Variants in TTC1 observed in about 807,000 individuals in gnomAD.
TTC1 encodes the protein tetratricopeptide repeat protein 1.
Under a neutral mutation model 37.6 loss-of-function variants are expected in TTC1, and 31 were observed. The observed-to-expected ratio is 0.82, with a 90% confidence interval of 0.62 to 1.11. The LOEUF is 1.11. TTC1 is among the 50% of genes most tolerant of loss of function. The probability of loss-of-function intolerance (pLI) is 0.00; values close to 1 mark genes in which losing one functional copy is unlikely to be tolerated. For synonymous variants in TTC1, 127 were observed against 122.4 expected, an observed-to-expected ratio of 1.04 and a Z score of -0.25; for missense variants, 351 against 339.0, an observed-to-expected ratio of 1.04 and a Z score of -0.28.
chr5:160,032,058 A>G (rs1341365506), intron 2 of TTC1, among the ~76,000 whole-genome samples: 1 of 152,220 alleles, frequency 6.6e-6, no homozygotes, highest in East Asian at 1.9e-4. Flanking sequence ...CGTAGCACTG[A>G]TTCCTTTCTG....
At chr5:160,021,819 T>C (rs1306148853) in intron 2 of TTC1, among the ~76,000 whole-genome samples, 1 of 152,244 alleles carries the variant, frequency 6.6e-6, no homozygotes, top group African/African-American at 2.4e-5. Flanking sequence ...TGTAGTTTTC[T>C]TGTCCCACCT....
chr5:160,036,883 A>AT, intron 4 of TTC1, 80 bp downstream of exon 4: 6 of 994,688 alleles, frequency 6.0e-6, no homozygotes, highest in Non-Finnish European at 9.2e-6. Context: ...TCCAGAAACT[A>AT]GCATAGAGGT....
intron 3 of TTC1, among the ~76,000 whole-genome samples, chr5:160,036,043 G>A (rs1756994338): frequency 6.8e-6 from 1 of 147,124 alleles, no homozygotes; most frequent in African/African-American, 2.5e-5. Context: ...CATATTTTTT[G>A]TATGTTAATA....
At chr5:160,009,606 A>G (rs183899649) in intron 1 of TTC1, among the ~76,000 whole-genome samples, 525 of 152,290 alleles carry the variant, frequency 3.4e-3, no homozygotes, top group Non-Finnish European at 5.7e-3. Flanking sequence ...ACATAAATAA[A>G]TAAATAAATA....
At chr5:160,029,849 T>C (rs1756878088) in intron 2 of TTC1, among the ~76,000 whole-genome samples, 1 of 152,164 alleles carries the variant, frequency 6.6e-6, no homozygotes, top group African/African-American at 2.4e-5. Flanking sequence ...TAGGGAGGCT[T>C]GAACTGGAAA....
chr5:160,014,405 C>T (rs1290804701), intron 2 of TTC1, among the ~76,000 whole-genome samples: 2 of 151,236 alleles, frequency 1.3e-5, no homozygotes, highest in African/African-American at 4.9e-5. Context: ...TGGCTCATTC[C>T]TATAATCCCA....
chr5:160,040,525 TAAC>T (rs1214482217), intron 4 of TTC1, among the ~76,000 whole-genome samples: 2 of 152,208 alleles, frequency 1.3e-5, no homozygotes, highest in Non-Finnish European at 2.9e-5. Flanking sequence ...TCTTTTATAA[TAAC>T]AGCCTAAAAC....
rs1392441305 is a variant in TTC1, at chr5:160,057,514, C to T, written c.745+6331C>T. Among the ~76,000 whole-genome samples, 1 of 152,160 alleles carries T rather than the reference C, an allele frequency of 6.6e-6. No individual in the cohort carries two copies. The highest frequency in any genetic ancestry group is 2.4e-5 in the African/African-American group (1 of 41,428). ...ATCATTTTGCTGCTGGAGGGCCTTG[C>T]CTCCACGTGGATGGTTGCTGACTGA... On this transcript the variant is annotated intron_variant, in intron 7 of 7. Transcript: ENST00000231238. The surrounding 1 kb of genome is among the most constrained non-coding windows in gnomAD (Gnocchi z 4.4).
intron 3 of TTC1, among the ~76,000 whole-genome samples, chr5:160,035,902 T>G (rs1756990926): frequency 6.6e-6 from 1 of 152,088 alleles, no homozygotes. Context: ...TTTAATTTTT[T>G]TCTTATTGTT....
At position 160,051,126 on chromosome 5, in the gene TTC1, C is replaced by T; in HGVS notation, c.691-3C>T. 6.3e-7 allele frequency: 1 copy of T among 1,587,342 alleles called. No individual in the cohort carries two copies. Among genetic ancestry groups the T allele is most frequent in the Non-Finnish European group, 8.6e-7 (1 of 1,165,624 alleles). On this transcript the variant is annotated splice_polypyrimidine_tract_variant and splice_region_variant and intron_variant, in intron 6 of 7. Coordinates refer to ENST00000231238, the MANE Select transcript of TTC1 (RefSeq NM_003314.3). ...CAACCCTTGTTTCTCCTCTTTTCCT[C>T]AGAGATTACCTAAGCAAATTGAAGA... is the stretch of plus-strand genomic sequence containing the variant.
intron 3 of TTC1, among the ~76,000 whole-genome samples, chr5:160,035,501 A>G (rs576385872): frequency 4.1e-4 from 63 of 152,364 alleles, no homozygotes; most frequent in Non-Finnish European, 6.3e-4. Flanking sequence ...AACCTGGAAT[A>G]TTAAAGGTTA....
chr5:160,051,062 A>C, intron 6 of TTC1, 67 bp from the exon 7 acceptor site: 2 of 1,341,124 alleles, frequency 1.5e-6, no homozygotes, highest in Non-Finnish European at 2.0e-6. Context: ...CTCAAATTCA[A>C]AATAAAGGGA....
intron 5 of TTC1, among the ~76,000 whole-genome samples, chr5:160,045,888 G>T (rs911252381): frequency 1.1e-4 from 16 of 151,926 alleles, no homozygotes; most frequent in African/African-American, 3.9e-4. Context: ...GACTACGGGC[G>T]CATGCCACCA....
chr5:160,017,681 A>C (rs567837538), intron 2 of TTC1, among the ~76,000 whole-genome samples: 138 of 152,246 alleles, frequency 9.1e-4, no homozygotes, highest in African/African-American at 3.2e-3. Flanking sequence ...TCATGTGTAA[A>C]TTTCCTAGGT....
Position 160,057,582 on chromosome 5 carries a change from T to A in TTC1, c.745+6399T>A, listed in dbSNP as rs1250535465. On this transcript the variant is annotated intron_variant, in intron 7 of 7. Coordinates refer to ENST00000231238, the MANE Select transcript of TTC1 (RefSeq NM_003314.3). This position sits in a 1 kb window ranked among gnomAD's most constrained non-coding sequence, Gnocchi z 4.4. ...AAACATTGGGGTGTCTGTGGCAGTA[T>A]CTTTAAATAAGATAGCAAGGAAGTT... Among the ~76,000 whole-genome samples, 1 of 152,184 alleles carries A rather than the reference T, an allele frequency of 6.6e-6. No homozygotes were observed. Among genetic ancestry groups the A allele is most frequent in the Non-Finnish European group, 1.5e-5 (1 of 68,040 alleles).
Sources: allele counts gnomAD v4.1 joint callset (sites outside exome capture counted in the v4.1 genomes callset), GRCh38; gene constraint gnomAD v4.1.1; non-coding constraint Gnocchi (gnomAD v3.1); transcripts MANE v1.5; gene names NCBI Gene and HGNC (gene_info 2026-07-23, HGNC 2026-07-21).